Variants in B3GALT1 observed in about 807,000 individuals in gnomAD.
B3GALT1 encodes the protein beta-1,3-galactosyltransferase 1.
A neutral mutation model predicts 23.2 loss-of-function variants in B3GALT1; 10 were observed. The observed-to-expected ratio is 0.43, with a 90% confidence interval of 0.27 to 0.73. B3GALT1 has a LOEUF of 0.73. Among genes scored for constraint, B3GALT1 ranks in the 30% least tolerant of loss-of-function variants. The pLI is 0.21. For synonymous variants in B3GALT1, 156 were observed against 141.5 expected (o/e 1.10, Z -0.73); for missense variants, 299 against 405.4 (o/e 0.74, Z 2.25).
intron 3 of B3GALT1, among the ~76,000 whole-genome samples, chr2:167,748,263 T>C (rs939842369): frequency 5.3e-5 from 8 of 151,978 alleles, no homozygotes; most frequent in African/African-American, 1.9e-4. Context: ...GATTGGCAGT[T>C]GGGGGTGACA....
chr2:167,644,464 G>A (rs2105458194), intron 2 of B3GALT1, among the ~76,000 whole-genome samples: 1 of 152,184 alleles, frequency 6.6e-6, no homozygotes, highest in Non-Finnish European at 1.5e-5. Flanking sequence ...CATTTTTCAA[G>A]CTCACCTATT....
chr2:167,744,476 CTTTT>C (rs1687622292), intron 3 of B3GALT1, among the ~76,000 whole-genome samples: 1 of 152,124 alleles, frequency 6.6e-6, no homozygotes, highest in East Asian at 1.9e-4. Context: ...TTCTCAAAGG[CTTTT>C]TGTCTTTAAG....
At chr2:167,302,775 A>C (rs865904483) in intron 1 of B3GALT1, among the ~76,000 whole-genome samples, 1 of 152,188 alleles carries the variant, frequency 6.6e-6, no homozygotes, top group Admixed American at 6.5e-5. Context: ...TTTATTAAAT[A>C]CAATTAAAGA....
chr2:167,732,541 G>A (rs1022140386), intron 3 of B3GALT1, among the ~76,000 whole-genome samples: 1 of 152,152 alleles, frequency 6.6e-6, no homozygotes, highest in Non-Finnish European at 1.5e-5. Context: ...CTAGTGGGAC[G>A]GAAACTGCTG....
chr2:167,816,588 A>G (rs1030291119), intron 3 of B3GALT1, among the ~76,000 whole-genome samples: 4 of 152,146 alleles, frequency 2.6e-5, no homozygotes, highest in African/African-American at 7.2e-5. Flanking sequence ...TCTTTGTTCA[A>G]TAATATTTTA....
intron 3 of B3GALT1, among the ~76,000 whole-genome samples, chr2:167,807,206 T>G (rs1287953503): frequency 6.6e-6 from 1 of 152,208 alleles, no homozygotes; most frequent in Non-Finnish European, 1.5e-5. Context: ...CTTCTCTCTT[T>G]TCTTCTTAAT....
intron 1 of B3GALT1, among the ~76,000 whole-genome samples, chr2:167,328,862 A>G (rs1309339692): frequency 2.0e-5 from 3 of 151,812 alleles, no homozygotes; most frequent in Non-Finnish European, 4.4e-5. Context: ...ACCCAGGCTG[A>G]AGTGTAGTGG....
At chr2:167,505,502 A>G (rs895592298) in intron 2 of B3GALT1, among the ~76,000 whole-genome samples, 1 of 152,058 alleles carries the variant, frequency 6.6e-6, no homozygotes, top group Non-Finnish European at 1.5e-5. Flanking sequence ...GTGATTAGAG[A>G]CTCTAAGGAG....
intron 4 of B3GALT1, among the ~76,000 whole-genome samples, chr2:167,822,439 C>G (rs987482968): frequency 6.6e-6 from 1 of 152,090 alleles, no homozygotes; most frequent in East Asian, 1.9e-4. Flanking sequence ...TCTTACACAG[C>G]GCACCCTCTA....
At chr2:167,775,578 A>C (rs1013618746) in intron 3 of B3GALT1, among the ~76,000 whole-genome samples, 10 of 151,830 alleles carry the variant, frequency 6.6e-5, no homozygotes, top group East Asian at 5.8e-4. Flanking sequence ...CAAAAAAAAA[A>C]AAAACAAAAC....
At chr2:167,812,996 A>ACC (rs59345832) in intron 3 of B3GALT1, among the ~76,000 whole-genome samples, 5,783 of 70,088 alleles carry the variant, frequency 0.083, 179 homozygotes, top group Middle Eastern at 0.15. Context: ...CACCACCCCC[A>ACC]CCCCCCCCCA....
intron 1 of B3GALT1, among the ~76,000 whole-genome samples, chr2:167,469,991 G>A (rs574679966): frequency 3.9e-5 from 6 of 152,208 alleles, no homozygotes; most frequent in South Asian, 4.1e-4. Context: ...GAATGGAATC[G>A]TAATTTTTTT....
intron 1 of B3GALT1, among the ~76,000 whole-genome samples, chr2:167,301,045 C>T (rs1280395815): frequency 1.3e-5 from 2 of 152,126 alleles, no homozygotes; most frequent in African/African-American, 4.8e-5. Flanking sequence ...TCATTTTATT[C>T]TGAGCGCATT....
chr2:167,546,632 A>G (rs1276648049), intron 2 of B3GALT1, among the ~76,000 whole-genome samples: 1 of 152,150 alleles, frequency 6.6e-6, no homozygotes, highest in Non-Finnish European at 1.5e-5. Flanking sequence ...AGGGAATTGA[A>G]CAGAGGATCT....
At chr2:167,456,837 C>T (rs1167774588) in intron 1 of B3GALT1, among the ~76,000 whole-genome samples, 1 of 152,160 alleles carries the variant, frequency 6.6e-6, no homozygotes, top group African/African-American at 2.4e-5. Flanking sequence ...GTTCATCAGT[C>T]CAGGTACTCT....
At chr2:167,402,649 G>A in intron 1 of B3GALT1, among the ~76,000 whole-genome samples, 1 of 152,036 alleles carries the variant, frequency 6.6e-6, no homozygotes, top group Non-Finnish European at 1.5e-5. Flanking sequence ...TAAGGCATAG[G>A]GAGTTAAATA....
chr2:167,792,404 C>G (rs1168197135), intron 3 of B3GALT1, among the ~76,000 whole-genome samples: 1 of 152,102 alleles, frequency 6.6e-6, no homozygotes, highest in Non-Finnish European at 1.5e-5. Flanking sequence ...CAAACAAATA[C>G]CAAGGATATT....
intron 3 of B3GALT1, among the ~76,000 whole-genome samples, chr2:167,673,990 T>C (rs1247976912): frequency 6.6e-6 from 1 of 152,130 alleles, no homozygotes; most frequent in East Asian, 1.9e-4. Flanking sequence ...TATTTACTGG[T>C]TCTCAGTTAA....
chr2:167,667,653 T>C (rs940317360), intron 3 of B3GALT1, among the ~76,000 whole-genome samples: 3 of 152,222 alleles, frequency 2.0e-5, no homozygotes, highest in Non-Finnish European at 2.9e-5. Flanking sequence ...TTCATTTCTT[T>C]TTATTCTTGT....
Sources: allele counts gnomAD v4.1 joint callset (sites outside exome capture counted in the v4.1 genomes callset), GRCh38; gene constraint gnomAD v4.1.1; transcripts MANE v1.5; gene names NCBI Gene and HGNC (gene_info 2026-07-23, HGNC 2026-07-21).